HMGN3: variants seen among roughly 807,000 people sequenced by gnomAD.
HMGN3 encodes the protein high mobility group nucleosome-binding domain-containing protein 3.
A neutral mutation model predicts 18.8 loss-of-function variants in HMGN3; 6 were observed. The ratio of observed to expected loss-of-function variants is 0.32; its 90% CI spans 0.18 to 0.63. The LOEUF (loss-of-function observed/expected upper bound fraction) is 0.63, where lower values mean the gene tolerates loss of function less well. Among genes scored for constraint, HMGN3 ranks in the 30% least tolerant of loss-of-function variants. The probability of loss-of-function intolerance (pLI) is 0.79; values close to 1 mark genes in which losing one functional copy is unlikely to be tolerated. For synonymous variants in HMGN3, 40 were observed against 36.5 expected (o/e 1.10, Z -0.35); for missense variants, 107 against 114.2 (o/e 0.94, Z 0.29).
At chr6:79,209,890 G>T (rs1243353206) in intron 2 of HMGN3, among the ~76,000 whole-genome samples, 1 of 152,194 alleles carries the variant, frequency 6.6e-6, no homozygotes, top group East Asian at 1.9e-4. Context: ...CTGGAGTCTC[G>T]AAGAAAGATC....
intron 1 of HMGN3, 53 bp from the exon 2 acceptor site, chr6:79,215,075 G>C: frequency 2.8e-6 from 3 of 1,076,848 alleles, no homozygotes; most frequent in Non-Finnish European, 2.7e-6. Flanking sequence ...ACACACATTA[G>C]AAAAATGTTT....
intron 1 of HMGN3, among the ~76,000 whole-genome samples, chr6:79,221,525 G>C (rs1169325263): frequency 1.3e-5 from 2 of 152,214 alleles, no homozygotes; most frequent in African/African-American, 4.8e-5. Flanking sequence ...GGCCATCCAT[G>C]AAGAATCAAC....
At chr6:79,229,854 G>A (rs1035550903) in intron 1 of HMGN3, among the ~76,000 whole-genome samples, 6 of 152,084 alleles carry the variant, frequency 3.9e-5, no homozygotes, top group African/African-American at 1.4e-4. Context: ...CTCCAGCCTG[G>A]GCGACTGAGC....
intron 1 of HMGN3, 109 bp from the exon 2 acceptor site, chr6:79,215,131 T>C: frequency 1.5e-6 from 1 of 685,012 alleles, no homozygotes. Flanking sequence ...CAACAGATTT[T>C]TTTGCAAAGA....
In HMGN3 at chr6:79,234,620, C is replaced by T. The variant is rs1778057075; in HGVS notation, c.-60G>A. 2.5e-6 allele frequency: 4 copies of T among 1,568,926 alleles called. No individual in the cohort carries two copies. In the Admixed American group the frequency reaches 6.7e-5, roughly 26 times the overall value. On this transcript the variant is annotated 5_prime_UTR_variant, in exon 1 of 6. Transcript: ENST00000344726. ...CGGACTGGAACTGCTGGCGCCGCCGCTGGATGCTGCCTCTGCCTCTGCAGC... is the reference window on the plus strand; with the variant it reads ...CGGACTGGAACTGCTGGCGCCGCCGTTGGATGCTGCCTCTGCCTCTGCAGC...
chr6:79,224,115 A>G (rs1459820587), intron 1 of HMGN3, among the ~76,000 whole-genome samples: 1 of 152,190 alleles, frequency 6.6e-6, no homozygotes, highest in East Asian at 1.9e-4. Context: ...ACATGATTAT[A>G]TCCATTTTAT....
intron 1 of HMGN3, among the ~76,000 whole-genome samples, chr6:79,225,110 G>A (rs560899719): frequency 1.3e-5 from 2 of 152,224 alleles, no homozygotes; most frequent in South Asian, 2.1e-4. Context: ...TCTTTGGTAC[G>A]TTTTCTCCCA....
intron 2 of HMGN3, among the ~76,000 whole-genome samples, chr6:79,208,783 T>C (rs1324303196): frequency 6.6e-6 from 1 of 151,964 alleles, no homozygotes; most frequent in Non-Finnish European, 1.5e-5. Flanking sequence ...TAAAAAGGGG[T>C]AGGTATACTG....
At position 79,214,389 on chromosome 6, in the gene HMGN3, G is replaced by C. The variant is rs536647625; in HGVS notation, c.66+583C>G. On this transcript the variant is annotated intron_variant, in intron 2 of 5. Coordinates refer to ENST00000344726, the Ensembl canonical transcript of HMGN3. Reference sequence around the variant, plus strand: ...GCTAACTTTTTATATTTTTAGTAGAGATGGGGTTTCACCGTGTTAGCCAGG... The same window carrying C: ...GCTAACTTTTTATATTTTTAGTAGACATGGGGTTTCACCGTGTTAGCCAGG... Among the ~76,000 whole-genome samples the C allele has an allele frequency of 4.1e-4, 62 of 152,040 alleles. 1 individual carries two copies. Among genetic ancestry groups the C allele is most frequent in the Admixed American group, 2.2e-3 (34 of 15,280 alleles).
chr6:79,222,104 A>G (rs935269976), intron 1 of HMGN3, among the ~76,000 whole-genome samples: 1 of 152,182 alleles, frequency 6.6e-6, no homozygotes, highest in African/African-American at 2.4e-5. Flanking sequence ...AATAAATCCA[A>G]TCTCAACTCC....
rs1395492199 is a variant in HMGN3 at position 79,234,537 on chromosome 6, A to G, written c.15+9T>C. 1 of 1,611,132 alleles carries G rather than the reference A, an allele frequency of 6.2e-7. No homozygotes were observed. The highest frequency in any genetic ancestry group is 1.1e-5 in the South Asian group (1 of 90,806). On this transcript the variant is annotated intron_variant, in intron 1 of 5. Transcript: ENST00000344726. ...AAGGCTTTTGAAATCTTTTTTTGGT[A>G]AGACTTACCTTTCTCTTCGGCATAA...
At chr6:79,213,081 T>C (rs1285678184) in intron 2 of HMGN3, among the ~76,000 whole-genome samples, 2 of 150,918 alleles carry the variant, frequency 1.3e-5, no homozygotes, top group Non-Finnish European at 3.0e-5. Context: ...AATAAAAACA[T>C]AATAAAAAAA....
chr6:79,226,071 G>T (rs1460986436), intron 1 of HMGN3, among the ~76,000 whole-genome samples: 1 of 152,206 alleles, frequency 6.6e-6, no homozygotes, highest in Non-Finnish European at 1.5e-5. Context: ...AACATATACA[G>T]AAAGTATTAT....
At chr6:79,203,580 C>G (rs1353562072) in exon 4 of HMGN3, 1 of 1,612,590 alleles carries the variant, frequency 6.2e-7, no homozygotes, top group African/African-American at 1.3e-5. Context: ...CACTTCTTAC[C>G]TTAGCAGATG....
exon 1 of HMGN3, chr6:79,234,593 A>G: frequency 6.2e-7 from 1 of 1,609,194 alleles, no homozygotes; most frequent in Non-Finnish European, 8.5e-7. Context: ...AAAGTAAAGC[A>G]ACGGACTGGA....
Position 79,214,327 on chromosome 6 carries a change from G to A in HMGN3, c.66+645C>T, listed in dbSNP as rs369190645. Among the ~76,000 whole-genome samples the A allele has an allele frequency of 6.6e-5, 10 of 150,940 alleles. No homozygotes were observed. In the East Asian group the frequency reaches 1.2e-3, roughly 18 times the overall value. ...CACCATTCTCCTGCCTCAGCCTCCC[G>A]AGTAGCTGGGACTACAGGCGCCCAC... On this transcript the variant is annotated intron_variant, in intron 2 of 5. Transcript: ENST00000344726.
chr6:79,208,315 C>T (rs1439023644), intron 3 of HMGN3, among the ~76,000 whole-genome samples: 5 of 152,136 alleles, frequency 3.3e-5, no homozygotes, highest in Non-Finnish European at 5.9e-5. Flanking sequence ...CAAACAACAT[C>T]CTGCTTTATA....
At chr6:79,220,155 T>C (rs1199132922) in intron 1 of HMGN3, among the ~76,000 whole-genome samples, 3 of 152,172 alleles carry the variant, frequency 2.0e-5, no homozygotes, top group Non-Finnish European at 2.9e-5. Context: ...ATGATACAGA[T>C]ACAGATTAAT....
At chr6:79,218,710 G>A (rs574426566) in intron 1 of HMGN3, among the ~76,000 whole-genome samples, 1 of 152,146 alleles carries the variant, frequency 6.6e-6, no homozygotes, top group Non-Finnish European at 1.5e-5. Flanking sequence ...AAAGTCATTG[G>A]TAAGAGTTAT....
Sources: gnomAD v4.1 joint callset for allele counts (sites outside exome capture counted in the v4.1 genomes callset) on GRCh38, gnomAD v4.1.1 for gene constraint, MANE v1.5 for transcripts, NCBI Gene and HGNC (gene_info 2026-07-23, HGNC 2026-07-21) for gene names.